The following RAB8A variants were observed in gnomAD, a reference collection of about 807,000 sequenced individuals.
The protein encoded by RAB8A is ras-related protein Rab-8A.
Under a neutral mutation model 29.2 loss-of-function variants are expected in RAB8A, and 5 were observed. The observed-to-expected ratio is 0.17, with a 90% CI of 0.09 to 0.36. RAB8A has a LOEUF of 0.36. RAB8A is among the 10% of genes least tolerant of loss of function. RAB8A has a pLI of 1.00. For missense variants in RAB8A, 171 were observed against 272.2 expected (o/e 0.63, Z 2.62); for synonymous variants, 108 against 99.9 (o/e 1.08, Z -0.49).
At chr19:16,120,345 C>T (rs1322436475) in intron 2 of RAB8A, among the ~76,000 whole-genome samples, 3 of 142,490 alleles carry the variant, frequency 2.1e-5, no homozygotes, top group African/African-American at 7.8e-5. Flanking sequence ...CAAAGTCTCA[C>T]TCTGTCACCC....
chr19:16,131,233 T>C (rs1298779429), intron 7 of RAB8A, among the ~76,000 whole-genome samples: 1 of 152,106 alleles, frequency 6.6e-6, no homozygotes, highest in Admixed American at 6.6e-5. Flanking sequence ...GGGAAGGGTA[T>C]GATGGGGTGG....
At position 16,128,013 on chromosome 19, in the gene RAB8A, C is replaced by T. The variant is rs779999580; in HGVS notation, c.415-13C>T. ...GGCTGGTGTGCTCATGCGTGTGCCT[C>T]CCTCTCTCACAGCTGGCCCTCGACT... On this transcript the variant is annotated splice_polypyrimidine_tract_variant and intron_variant, in intron 5 of 7. Coordinates refer to ENST00000300935, the MANE Select transcript of RAB8A (RefSeq NM_005370.5). The T allele has an allele frequency of 1.9e-6, 3 of 1,614,090 alleles. No homozygotes were observed. The highest frequency in any genetic ancestry group is 2.5e-6 in the Non-Finnish European group (3 of 1,179,938).
chr19:16,128,882 C>G (rs963351602), intron 6 of RAB8A, among the ~76,000 whole-genome samples: 2 of 152,238 alleles, frequency 1.3e-5, no homozygotes, highest in African/African-American at 2.4e-5. Context: ...CTCCGCACCC[C>G]AAGCCACTCT....
At chr19:16,112,829 G>C (rs535139432) in intron 1 of RAB8A, 17 of 152,312 alleles carry the variant, frequency 1.1e-4, no homozygotes, top group Non-Finnish European at 1.8e-4. Context: ...ATGATAAGAA[G>C]AGTCAGGACC....
chr19:16,119,235 C>T (rs778961000), intron 2 of RAB8A, among the ~76,000 whole-genome samples: 36 of 151,474 alleles, frequency 2.4e-4, no homozygotes, highest in South Asian at 4.1e-4. Flanking sequence ...GACGGAGTTT[C>T]GCTCTTGTCG....
In RAB8A at chr19:16,127,286, C is replaced by A; in HGVS notation, c.325-151C>A. On this transcript the variant is annotated intron_variant, in intron 4 of 7. Coordinates refer to ENST00000300935, the MANE Select transcript of RAB8A (RefSeq NM_005370.5). The surrounding 1 kb of genome is among the most constrained non-coding windows in gnomAD (Gnocchi z 4.8). Reference sequence around the variant, plus strand: ...GTGTGACATGGGGCCGGCTGCTTGGCCTCTCTGAGCTTCAGCTTGTCCCTT... The same window carrying A: ...GTGTGACATGGGGCCGGCTGCTTGGACTCTCTGAGCTTCAGCTTGTCCCTT... 2.3e-6 allele frequency: 1 copy of A among 431,650 alleles called. No homozygotes were observed. Among genetic ancestry groups the A allele is most frequent in the Non-Finnish European group, 4.0e-6 (1 of 248,202 alleles). 26.7% of individuals were successfully genotyped at this position (431,650 alleles called of 1,614,324 possible). A position where few individuals can be genotyped will look rare whatever the true frequency, so the allele number is the denominator to read the frequency against.
intron 7 of RAB8A, among the ~76,000 whole-genome samples, chr19:16,131,923 C>T (rs4808457): frequency 0.15 from 21,363 of 146,338 alleles, 1,801 homozygotes; most frequent in East Asian, 0.3. Context: ...GACAGCTGGA[C>T]GGACTGGCAG....
rs934511954 is a variant in RAB8A at position 16,127,900 on chromosome 19, C to T, written c.415-126C>T. On this transcript the variant is annotated intron_variant, in intron 5 of 7. Transcript: ENST00000300935. This position sits in a 1 kb window ranked among gnomAD's most constrained non-coding sequence, Gnocchi z 4.8. ...ATTGAGGGAGTGATCCAGGAAGTCACGCCCACAGCCCCAGCCCTGTTGCTG... is the reference window on the plus strand; with the variant it reads ...ATTGAGGGAGTGATCCAGGAAGTCATGCCCACAGCCCCAGCCCTGTTGCTG... The T allele has an allele frequency of 9.7e-6, 9 of 927,592 alleles. No individual in the cohort carries two copies. The highest frequency in any genetic ancestry group is 1.9e-5 in the Admixed American group (1 of 52,276). 57.5% of individuals were successfully genotyped at this position (927,592 alleles called of 1,614,324 possible).
chr19:16,118,198 G>T (rs777004108), intron 1 of RAB8A, 28 bp from the exon 2 acceptor site: 1 of 1,596,364 alleles, frequency 6.3e-7, no homozygotes, highest in South Asian at 1.1e-5. Context: ...GGCTGACAGT[G>T]ACGTGCCTTT....
intron 1 of RAB8A, among the ~76,000 whole-genome samples, chr19:16,114,126 G>A (rs769468967): frequency 7.9e-5 from 12 of 151,924 alleles, no homozygotes; most frequent in South Asian, 2.1e-4. Context: ...AAAATCAGCC[G>A]GGCACAGTGG....
Position 16,125,597 on chromosome 19 carries a change from G to T in RAB8A, c.324+50G>T, listed in dbSNP as rs762948619. The T allele has an allele frequency of 6.5e-7, 1 of 1,547,192 alleles. No individual in the cohort carries two copies. On this transcript the variant is annotated intron_variant, in intron 4 of 7. Coordinates refer to ENST00000300935, the MANE Select transcript of RAB8A (RefSeq NM_005370.5). The surrounding 1 kb of genome is among the most constrained non-coding windows in gnomAD (Gnocchi z 5.0). ...TGTCCCTGCTTCAGTCCTTGTCCCAGAGCCCTCTGGTTTACTCATGAGAAG... is the reference window on the plus strand; with the variant it reads ...TGTCCCTGCTTCAGTCCTTGTCCCATAGCCCTCTGGTTTACTCATGAGAAG...
At chr19:16,114,926 A>T (rs953013003) in intron 1 of RAB8A, among the ~76,000 whole-genome samples, 42 of 151,830 alleles carry the variant, frequency 2.8e-4, no homozygotes, top group African/African-American at 8.5e-4. Context: ...TAAAGTTTAC[A>T]CTTCCTAATT....
At chr19:16,131,202 G>C (rs1162163427) in intron 7 of RAB8A, among the ~76,000 whole-genome samples, 1 of 152,164 alleles carries the variant, frequency 6.6e-6, no homozygotes, top group Non-Finnish European at 1.5e-5. Context: ...CAGTTCTTCT[G>C]CCTCAGCCTC....
chr19:16,118,178 T>G, intron 1 of RAB8A, 48 bp from the exon 2 acceptor site: 1 of 1,565,064 alleles, frequency 6.4e-7, no homozygotes, highest in Non-Finnish European at 8.7e-7. Context: ...CAGACACAAC[T>G]TGGGAAATGG....
chr19:16,131,563 G>A (rs535951886), intron 7 of RAB8A, among the ~76,000 whole-genome samples: 117 of 151,682 alleles, frequency 7.7e-4, no homozygotes, highest in African/African-American at 2.5e-3. Flanking sequence ...AGTTGGAAGA[G>A]GGTGGATGGG....
chr19:16,114,369 A>AC (rs2090837037), intron 1 of RAB8A, among the ~76,000 whole-genome samples: 1 of 133,428 alleles, frequency 7.5e-6, no homozygotes, highest in Non-Finnish European at 1.6e-5. Context: ...TTCCCCACAA[A>AC]CCCCCCTCTT....
intron 2 of RAB8A, 26 bp downstream of exon 2, chr19:16,118,312 C>T (rs2233146): frequency 0.021 from 33,246 of 1,599,792 alleles, 431 homozygotes; most frequent in Non-Finnish European, 0.025. Flanking sequence ...CTCTGTCATT[C>T]TCTCCACCTG....
At chr19:16,131,449 G>T (rs1299135721) in intron 7 of RAB8A, among the ~76,000 whole-genome samples, 1 of 152,086 alleles carries the variant, frequency 6.6e-6, no homozygotes, top group Non-Finnish European at 1.5e-5. Flanking sequence ...TTGTTGGTTG[G>T]TTGGAAGGGG....
intron 7 of RAB8A, among the ~76,000 whole-genome samples, chr19:16,130,358 C>T (rs944856801): frequency 2.0e-5 from 3 of 152,144 alleles, no homozygotes; most frequent in East Asian, 1.9e-4. Flanking sequence ...GAGCACACGG[C>T]GCTCTATTTG....
Sources: gnomAD v4.1 joint callset for allele counts (sites outside exome capture counted in the v4.1 genomes callset) on GRCh38, gnomAD v4.1.1 for gene constraint, Gnocchi (gnomAD v3.1) non-coding constraint, MANE v1.5 for transcripts, NCBI Gene and HGNC (gene_info 2026-07-23, HGNC 2026-07-21) for gene names.